ECPAS: variants seen among roughly 807,000 people sequenced by gnomAD.
ECPAS encodes proteasome adapter and scaffold protein ECM29.
A neutral mutation model predicts 255.1 loss-of-function variants in ECPAS; 70 were observed. The observed-to-expected ratio is 0.27, with a 90% CI of 0.23 to 0.33. The LOEUF (loss-of-function observed/expected upper bound fraction) is 0.33, where lower values mean the gene tolerates loss of function less well. Ranked by LOEUF, ECPAS falls within the 10% of genes least tolerant of loss-of-function variation. ECPAS has a pLI of 1.00. For synonymous variants in ECPAS, 784 were observed against 775.0 expected (o/e 1.01, Z -0.19); for missense variants, 1,817 against 2,206.4 (o/e 0.82, Z 3.54).
At chr9:111,456,297 G>A (rs543566741) in intron 2 of ECPAS, among the ~76,000 whole-genome samples, 1 of 152,282 alleles carries the variant, frequency 6.6e-6, no homozygotes, top group East Asian at 1.9e-4. Flanking sequence ...AACTGAAGAA[G>A]ACTGAAAGAT....
chr9:111,425,896 T>A, intron 10 of ECPAS, 68 bp from the exon 11 acceptor site: 1 of 779,846 alleles, frequency 1.3e-6, no homozygotes, highest in Non-Finnish European at 2.1e-6. Context: ...TGAATAGTAA[T>A]CAGAATTCAG....
intron 1 of ECPAS, among the ~76,000 whole-genome samples, chr9:111,477,006 TG>T (rs1435264855): frequency 6.6e-6 from 1 of 152,020 alleles, no homozygotes; most frequent in East Asian, 1.9e-4. Flanking sequence ...TTCTCCATGT[TG>T]GTCAGGCTGG....
rs985340657 is a variant in ECPAS at position 111,414,461 on chromosome 9, C to G, written c.1955G>C (p.Gly652Ala). 2 of 1,614,002 alleles carry G rather than the reference C, an allele frequency of 1.2e-6. No homozygotes were observed. The highest frequency in any genetic ancestry group is 1.7e-6 in the Non-Finnish European group (2 of 1,179,856). ...GETNPVQIYI[G>A]LLQQLLAGVG... ...ACCTGCTAACAGCTGCTGAAGCAGG[C>G]CAATGTAGATCTGGACAGGGTTAGT... The change falls in exon 19 of 50, where the codon GGC (glycine) becomes GCC (alanine). Residue 652 changes from glycine (G) to alanine (A), a missense_variant. Around this residue, in one of 4 missense-constraint regions of ECPAS, gnomAD observed 573 missense variants for 716.2 expected, o/e 0.80. Coordinates refer to ENST00000684092, the MANE Select transcript of ECPAS (RefSeq NM_001364929.1).
chr9:111,441,051 C>T (rs1193550207), intron 5 of ECPAS, among the ~76,000 whole-genome samples: 2 of 151,834 alleles, frequency 1.3e-5, no homozygotes, highest in Admixed American at 1.3e-4. Context: ...ACTTGGCAGG[C>T]TGAGGCAGGA....
At chr9:111,435,175 A>G (rs958839339) in intron 7 of ECPAS, among the ~76,000 whole-genome samples, 7 of 152,252 alleles carry the variant, frequency 4.6e-5, no homozygotes, top group Admixed American at 4.6e-4. Flanking sequence ...CTGGGATTAC[A>G]GGCCCGAGCC....
chr9:111,411,428 A>G (rs562671914), intron 21 of ECPAS, among the ~76,000 whole-genome samples: 67 of 152,272 alleles, frequency 4.4e-4, no homozygotes, highest in Non-Finnish European at 8.5e-4. Flanking sequence ...ACTTTCCTAC[A>G]TGCTCCTACA....
At chr9:111,449,701 C>T (rs985197296) in intron 3 of ECPAS, among the ~76,000 whole-genome samples, 2 of 152,204 alleles carry the variant, frequency 1.3e-5, no homozygotes, top group African/African-American at 4.8e-5. Context: ...GTTTGCTCTC[C>T]AGGTCTCCAC....
rs528876131 is a variant in ECPAS, at chr9:111,484,176, G to C, written c.-143C>G. 6.7e-7 allele frequency: 1 copy of C among 1,484,474 alleles called. No individual in the cohort carries two copies. The highest frequency in any genetic ancestry group is 1.3e-5 in the South Asian group (1 of 78,286). 92.0% of individuals were successfully genotyped at this position (1,484,474 alleles called of 1,614,324 possible). A position where few individuals can be genotyped will look rare whatever the true frequency, so the allele number is the denominator to read the frequency against. On this transcript the variant is annotated 5_prime_UTR_variant, in exon 1 of 50. Coordinates refer to ENST00000684092, the MANE Select transcript of ECPAS (RefSeq NM_001364929.1). ...CGCTCGGCGCCGCGAGGTGAGGGCT[G>C]TAGAGCGAGGCGTTCGGCGGGCCGG...
chr9:111,469,517 G>A (rs986445669), intron 2 of ECPAS, among the ~76,000 whole-genome samples: 6 of 151,502 alleles, frequency 4.0e-5, no homozygotes, highest in Admixed American at 2.6e-4. Context: ...GCGACAGTAC[G>A]AGACTCCGTC....
At chr9:111,371,119 A>C (rs182689080) in intron 43 of ECPAS, among the ~76,000 whole-genome samples, 2 of 151,976 alleles carry the variant, frequency 1.3e-5, no homozygotes, top group Non-Finnish European at 2.9e-5. Flanking sequence ...AAAGATCATT[A>C]GGTTACCACA....
At chr9:111,479,103 C>G (rs752585188) in intron 1 of ECPAS, among the ~76,000 whole-genome samples, 2 of 151,978 alleles carry the variant, frequency 1.3e-5, no homozygotes, top group Non-Finnish European at 2.9e-5. Flanking sequence ...ACCTAAGAAG[C>G]CTGTTTCTCT....
intron 2 of ECPAS, among the ~76,000 whole-genome samples, chr9:111,455,514 T>C (rs1305541516): frequency 6.6e-6 from 1 of 152,130 alleles, no homozygotes; most frequent in East Asian, 1.9e-4. Context: ...AAAGATGTGC[T>C]TTCTAGCTGA....
intron 3 of ECPAS, among the ~76,000 whole-genome samples, chr9:111,445,653 A>G (rs1314781176): frequency 6.6e-6 from 1 of 151,980 alleles, no homozygotes; most frequent in Non-Finnish European, 1.5e-5. Context: ...AGGCATTTTT[A>G]TTTTTGTCTG....
At chr9:111,426,796 A>T (rs770550603) in intron 10 of ECPAS, among the ~76,000 whole-genome samples, 4 of 151,816 alleles carry the variant, frequency 2.6e-5, no homozygotes, top group Non-Finnish European at 5.9e-5. Flanking sequence ...GTGAAACTCC[A>T]TCTGTACAAA....
intron 31 of ECPAS, among the ~76,000 whole-genome samples, chr9:111,388,659 G>A (rs1165551912): frequency 4.0e-5 from 6 of 151,800 alleles, no homozygotes; most frequent in African/African-American, 7.3e-5. Flanking sequence ...AATGAAGAAC[G>A]GCAAAGAGGA....
intron 2 of ECPAS, among the ~76,000 whole-genome samples, chr9:111,465,574 T>C (rs375947086): frequency 2.0e-5 from 3 of 150,792 alleles, no homozygotes; most frequent in African/African-American, 7.4e-5. Flanking sequence ...TCCTTCATGG[T>C]TGAAATAATT....
rs755632818 is a variant in ECPAS, at chr9:111,363,548, T to C, written c.5380+40A>G. 20 of 1,216,260 alleles carry C rather than the reference T, an allele frequency of 1.6e-5. No homozygotes were observed. The East Asian group carries it at 4.0e-4, about 25-fold the overall frequency. The allele number at this position is 1,216,260 out of a possible 1,614,324, so 75.3% of individuals were successfully genotyped here. A position where few individuals can be genotyped will look rare whatever the true frequency, so the allele number is the denominator to read the frequency against. ...AAAAATTTCTAAAACATATGCCACA[T>C]GGCTTTATGGTCCCCCAGTCAGAAC... On this transcript the variant is annotated intron_variant, in intron 49 of 49. Coordinates refer to ENST00000684092, the MANE Select transcript of ECPAS (RefSeq NM_001364929.1).
chr9:111,449,194 C>T (rs1469340341), intron 3 of ECPAS, among the ~76,000 whole-genome samples: 1 of 151,732 alleles, frequency 6.6e-6, no homozygotes, highest in East Asian at 1.9e-4. Flanking sequence ...TAAAACTTTA[C>T]ACAAGAAAAA....
chr9:111,434,586 T>TC (rs1491218691), intron 7 of ECPAS, among the ~76,000 whole-genome samples: 4 of 25,556 alleles, frequency 1.6e-4, no homozygotes, highest in East Asian at 1.0e-3. Context: ...TCCAGTTAAC[T>TC]TTTTTTTTTT....
Sources: allele counts gnomAD v4.1 joint callset (sites outside exome capture counted in the v4.1 genomes callset), GRCh38; gene constraint gnomAD v4.1.1; regional missense constraint gnomAD v4.1.1; transcripts MANE v1.5; gene names NCBI Gene and HGNC (gene_info 2026-07-23, HGNC 2026-07-21).